MDGA2: variants seen among roughly 807,000 people sequenced by gnomAD.
MDGA2 encodes the protein MAM domain-containing glycosylphosphatidylinositol anchor protein 2.
A neutral mutation model predicts 117.8 loss-of-function variants in MDGA2; 40 were observed. The observed-to-expected ratio is 0.34, with a 90% CI of 0.26 to 0.44. The LOEUF is 0.44. MDGA2 is among the 20% of genes least tolerant of loss of function. MDGA2 has a pLI of 1.00. For missense variants in MDGA2, 1,123 were observed against 1,250.6 expected (o/e 0.90, Z 1.54); for synonymous variants, 452 against 439.0 (o/e 1.03, Z -0.37).
intron 7 of MDGA2, chr14:47,059,057 G>C: frequency 9.9e-7 from 1 of 1,013,072 alleles, no homozygotes; most frequent in Non-Finnish European, 1.2e-6. Context: ...CTTTAAGTCA[G>C]TAGGGAATTA....
chr14:47,472,558 G>A (rs993709092), intron 1 of MDGA2, among the ~76,000 whole-genome samples: 1 of 152,148 alleles, frequency 6.6e-6, no homozygotes, highest in Non-Finnish European at 1.5e-5. Flanking sequence ...CCACGACAAG[G>A]TAATGTAGGT....
chr14:47,331,137 G>A (rs759096194), intron 1 of MDGA2, among the ~76,000 whole-genome samples: 1 of 151,418 alleles, frequency 6.6e-6, no homozygotes, highest in Non-Finnish European at 1.5e-5. Flanking sequence ...AGAGATCAAT[G>A]AAAAGTTAAG....
At chr14:47,673,789 A>C (rs1383175710) in intron 1 of MDGA2, among the ~76,000 whole-genome samples, 2 of 151,910 alleles carry the variant, frequency 1.3e-5, no homozygotes, top group African/African-American at 4.8e-5. Context: ...CCTAAACCTA[A>C]ATCTGGGTTT....
At chr14:46,866,246 C>T (rs1219081397) in intron 14 of MDGA2, among the ~76,000 whole-genome samples, 1 of 152,062 alleles carries the variant, frequency 6.6e-6, no homozygotes, top group African/African-American at 2.4e-5. Context: ...CACATATCCA[C>T]AACTATCTGA....
At chr14:46,896,492 GA>G (rs921595318) in intron 10 of MDGA2, among the ~76,000 whole-genome samples, 11 of 151,766 alleles carry the variant, frequency 7.2e-5, no homozygotes, top group Non-Finnish European at 1.0e-4. Context: ...ATGTTGGCAC[GA>G]AAAAAGTAAT....
At chr14:47,184,155 A>C (rs976021541) in intron 3 of MDGA2, among the ~76,000 whole-genome samples, 10 of 152,074 alleles carry the variant, frequency 6.6e-5, no homozygotes, top group Non-Finnish European at 4.4e-5. Context: ...TTATTTTCTT[A>C]AGTTTTATAA....
intron 1 of MDGA2, among the ~76,000 whole-genome samples, chr14:47,343,458 T>C (rs955149277): frequency 2.6e-5 from 4 of 152,308 alleles, no homozygotes; most frequent in Admixed American, 2.0e-4. Flanking sequence ...GTCTCATGTA[T>C]AGGCAGCCAT....
At chr14:47,484,726 G>GTCTT (rs1274221765) in intron 1 of MDGA2, among the ~76,000 whole-genome samples, 28 of 152,096 alleles carry the variant, frequency 1.8e-4, no homozygotes, top group Admixed American at 1.8e-3. Context: ...GTAGGGGCAG[G>GTCTT]TCTTTCCCAT....
intron 1 of MDGA2, among the ~76,000 whole-genome samples, chr14:47,308,422 G>A (rs570981049): frequency 6.6e-6 from 1 of 150,708 alleles, no homozygotes; most frequent in South Asian, 2.1e-4. Context: ...TTATTTTCTA[G>A]TATCCTTCCA....
At chr14:47,222,384 A>G (rs1886335195) in intron 2 of MDGA2, among the ~76,000 whole-genome samples, 1 of 152,102 alleles carries the variant, frequency 6.6e-6, no homozygotes, top group African/African-American at 2.4e-5. Context: ...TTAAAAGTCA[A>G]AAGCATAAAT....
chr14:47,557,919 A>C (rs1032896776), intron 1 of MDGA2, among the ~76,000 whole-genome samples: 3 of 152,246 alleles, frequency 2.0e-5, no homozygotes, highest in Non-Finnish European at 2.9e-5. Flanking sequence ...CAGATCCATA[A>C]GATGGGTAAA....
chr14:47,207,540 A>G (rs1885730216), intron 3 of MDGA2, among the ~76,000 whole-genome samples: 1 of 151,864 alleles, frequency 6.6e-6, no homozygotes, highest in South Asian at 2.1e-4. Context: ...TAAAAAATGG[A>G]ATTTGTTCCC....
At position 47,464,249 on chromosome 14, in the gene MDGA2, G is replaced by A. The variant is rs1594870347; in HGVS notation, c.281-162699C>T. ...AGATCCAGGATAAAATAACACAAGG[G>A]ATAGGAAAAATTAATCAAATTCTCT... On this transcript the variant is annotated intron_variant, in intron 1 of 16. Transcript: ENST00000399232. 2.6e-5 allele frequency among the ~76,000 whole-genome samples: 4 copies of A among 151,968 alleles called. 1 individual carries two copies. In the South Asian group the frequency reaches 6.2e-4, roughly 24 times the overall value.
intron 1 of MDGA2, among the ~76,000 whole-genome samples, chr14:47,468,221 T>C (rs1279924733): frequency 6.6e-6 from 1 of 152,124 alleles, no homozygotes; most frequent in Non-Finnish European, 1.5e-5. Flanking sequence ...TGAGCCCTTT[T>C]CCAGTTATCT....
At chr14:47,645,520 C>T (rs986100033) in intron 1 of MDGA2, among the ~76,000 whole-genome samples, 3 of 151,876 alleles carry the variant, frequency 2.0e-5, no homozygotes, top group Non-Finnish European at 2.9e-5. Flanking sequence ...AGGCGTGAGC[C>T]ACCGCGCCCG....
chr14:47,358,509 A>C (rs1385106432), intron 1 of MDGA2, among the ~76,000 whole-genome samples: 1 of 152,198 alleles, frequency 6.6e-6, no homozygotes, highest in Non-Finnish European at 1.5e-5. Flanking sequence ...TTCAAATCGG[A>C]AAATAAGTAA....
At position 47,204,160 on chromosome 14, in the gene MDGA2, T is replaced by A. The variant is rs534557302; in HGVS notation, c.595+13861A>T. ...ACTGGAGTCATTCCACTTTGTTTTA[T>A]CCAGCAGTTACAGTCAATATTACCA... is the stretch of plus-strand genomic sequence containing the variant. On this transcript the variant is annotated intron_variant, in intron 3 of 16. Coordinates refer to ENST00000399232, the MANE Select transcript of MDGA2 (RefSeq NM_001113498.3). 2.0e-5 allele frequency among the ~76,000 whole-genome samples: 3 copies of A among 152,164 alleles called. No individual in the cohort carries two copies. The East Asian group carries it at 5.8e-4, about 29-fold the overall frequency.
chr14:46,988,621 G>T (rs1054550470), intron 8 of MDGA2, among the ~76,000 whole-genome samples: 1 of 152,020 alleles, frequency 6.6e-6, no homozygotes, highest in African/African-American at 2.4e-5. Flanking sequence ...TTAATGAAGA[G>T]AATAAATAAG....
chr14:47,084,620 T>A (rs1055984445), intron 6 of MDGA2, among the ~76,000 whole-genome samples: 1 of 152,122 alleles, frequency 6.6e-6, no homozygotes, highest in Admixed American at 6.5e-5. Context: ...TTACCCACCC[T>A]AACCCATTTG....
Sources: allele counts gnomAD v4.1 joint callset (sites outside exome capture counted in the v4.1 genomes callset), GRCh38; gene constraint gnomAD v4.1.1; transcripts MANE v1.5; gene names NCBI Gene and HGNC (gene_info 2026-07-23, HGNC 2026-07-21).